Variants in CTBP2 observed in about 807,000 individuals in gnomAD.
CTBP2 encodes the protein C-terminal binding protein 2.
In CTBP2, 30 loss-of-function variants were observed where a neutral mutation model predicts 80.3. That is an observed-to-expected ratio of 0.37 (90% CI 0.28 to 0.51). The LOEUF is 0.51. CTBP2 is among the 20% of genes least tolerant of loss of function. The probability of loss-of-function intolerance (pLI) is 0.93; values close to 1 mark genes in which losing one functional copy is unlikely to be tolerated. For synonymous variants in CTBP2, 594 were observed against 587.4 expected (o/e 1.01, Z -0.16); for missense variants, 1,212 against 1,375.3 (o/e 0.88, Z 1.88).
rs1223787088 is a variant in CTBP2 at position 125,027,576 on chromosome 10, G to A, written c.184C>T (p.Leu62=). The A allele has an allele frequency of 5.6e-6, 9 of 1,614,008 alleles. No homozygotes were observed. Among genetic ancestry groups the A allele is most frequent in the Non-Finnish European group, 7.6e-6 (9 of 1,180,032 alleles). ...AGGTAGGGCTCGGCGGCCACGGGCAGGGCAGCGTCCTGTGGTCGGTGGTTT... is the reference window on the plus strand; with the variant it reads ...AGGTAGGGCTCGGCGGCCACGGGCAAGGCAGCGTCCTGTGGTCGGTGGTTT... Residue 62 remains leucine, a synonymous_variant, in exon 1 of 9, where the codon CTG becomes TTG. Coordinates refer to ENST00000309035, the MANE Select transcript of CTBP2 (RefSeq NM_022802.3).
At chr10:125,070,516 C>T (rs1157066219) in intron 2 of CTBP2, among the ~76,000 whole-genome samples, 1 of 151,248 alleles carries the variant, frequency 6.6e-6, no homozygotes, top group Non-Finnish European at 1.5e-5. Flanking sequence ...ATGATGGGGC[C>T]ACTACATTCC....
At chr10:125,121,395 G>C (rs533772686) in intron 1 of CTBP2, among the ~76,000 whole-genome samples, 1 of 152,138 alleles carries the variant, frequency 6.6e-6, no homozygotes, top group Admixed American at 6.5e-5. Flanking sequence ...GAAGGAAACC[G>C]GGTTCTATTT....
chr10:125,136,195 C>G (rs1286031905), intron 1 of CTBP2, among the ~76,000 whole-genome samples: 2 of 152,220 alleles, frequency 1.3e-5, no homozygotes, highest in African/African-American at 4.8e-5. Flanking sequence ...GGGACCCAGG[C>G]AGGGGGCGGC....
chr10:125,136,176 G>A (rs1411891186), intron 1 of CTBP2, among the ~76,000 whole-genome samples: 1 of 152,234 alleles, frequency 6.6e-6, no homozygotes, highest in Non-Finnish European at 1.5e-5. Flanking sequence ...TGAGAACGAA[G>A]GGGCTGGAGG....
intron 8 of CTBP2, among the ~76,000 whole-genome samples, chr10:124,991,893 T>TA (rs1952674456): frequency 1.7e-5 from 1 of 60,440 alleles, no homozygotes; most frequent in Non-Finnish European, 3.3e-5. Context: ...CCAGCAATAA[T>TA]GGGGGGGGGG....
intron 1 of CTBP2, among the ~76,000 whole-genome samples, chr10:125,112,288 T>C (rs988602820): frequency 6.6e-6 from 1 of 151,838 alleles, no homozygotes; most frequent in East Asian, 1.9e-4. Context: ...AATTTTTGTA[T>C]TTTTAGTAGA....
intron 2 of CTBP2, among the ~76,000 whole-genome samples, chr10:125,042,864 G>A (rs766590346): frequency 1.8e-4 from 26 of 148,224 alleles, no homozygotes; most frequent in Non-Finnish European, 3.7e-4. Flanking sequence ...TCAAAAGGAA[G>A]AAGAGTGCCC....
In CTBP2 at chr10:125,122,167, CT is replaced by C. The variant is rs1466804142; in HGVS notation, c.-205-11075del. 3.9e-5 allele frequency among the ~76,000 whole-genome samples: 6 copies of C among 152,352 alleles called. No individual in the cohort carries two copies. The East Asian group carries it at 1.2e-3, about 29-fold the overall frequency. Reference sequence around the variant, plus strand: ...CTATTGATTCATGCGCATCAAGTCACTAACACTGGGAATCCTGAACTAACTT... The same window carrying C: ...CTATTGATTCATGCGCATCAAGTCACAACACTGGGAATCCTGAACTAACTT... On this transcript the variant is annotated intron_variant, in intron 1 of 10. Coordinates refer to the CTBP2 transcript ENST00000337195.
At chr10:125,069,688 A>G (rs2135436229) in intron 2 of CTBP2, among the ~76,000 whole-genome samples, 1 of 152,196 alleles carries the variant, frequency 6.6e-6, no homozygotes, top group South Asian at 2.1e-4. Flanking sequence ...CCAATATTAA[A>G]TCCCCAAGCC....
chr10:125,084,067 C>T (rs1847600332), intron 2 of CTBP2, among the ~76,000 whole-genome samples: 1 of 152,202 alleles, frequency 6.6e-6, no homozygotes, highest in Non-Finnish European at 1.5e-5. Context: ...AGGTGTGAGC[C>T]ACGGCGCCTG....
intron 1 of CTBP2, among the ~76,000 whole-genome samples, chr10:125,152,227 C>G (rs1860102775): frequency 6.6e-6 from 1 of 152,018 alleles, no homozygotes; most frequent in African/African-American, 2.4e-5. Context: ...GAGCCAGGAA[C>G]CCCGGGACCC....
At chr10:125,094,955 G>C (rs1590732230) in intron 2 of CTBP2, among the ~76,000 whole-genome samples, 1 of 152,046 alleles carries the variant, frequency 6.6e-6, no homozygotes, top group Non-Finnish European at 1.5e-5. Context: ...CGACGAGCAT[G>C]GGGGTGGGCT....
At chr10:125,143,130 C>G (rs558876671) in intron 1 of CTBP2, among the ~76,000 whole-genome samples, 7 of 152,180 alleles carry the variant, frequency 4.6e-5, no homozygotes, top group Admixed American at 2.0e-4. Context: ...GCAGCCCCCC[C>G]ACGACATCCC....
chr10:125,043,091 GGTT>G (rs1960301901), intron 2 of CTBP2, among the ~76,000 whole-genome samples: 1 of 152,220 alleles, frequency 6.6e-6, no homozygotes. Flanking sequence ...GTAGATACTT[GGTT>G]GTTTCCAGAG....
intron 1 of CTBP2, among the ~76,000 whole-genome samples, chr10:125,151,471 G>C (rs1049225714): frequency 2.0e-4 from 31 of 152,286 alleles, no homozygotes; most frequent in African/African-American, 6.5e-4. Flanking sequence ...ACCCAGATTC[G>C]AAGGTTATCC....
chr10:125,059,454 C>T (rs919460656), intron 2 of CTBP2, among the ~76,000 whole-genome samples: 3 of 152,006 alleles, frequency 2.0e-5, no homozygotes, highest in Non-Finnish European at 2.9e-5. Context: ...TGGTGGTGCA[C>T]GCCTGTAATC....
At chr10:125,149,799 C>G (rs1168662288) in intron 1 of CTBP2, among the ~76,000 whole-genome samples, 3 of 152,226 alleles carry the variant, frequency 2.0e-5, no homozygotes, top group Non-Finnish European at 4.4e-5. Context: ...ATCACCTGCT[C>G]CGGGTACTCT....
At chr10:125,040,857 A>T (rs1312216531) in intron 2 of CTBP2, among the ~76,000 whole-genome samples, 1 of 152,240 alleles carries the variant, frequency 6.6e-6, no homozygotes, top group African/African-American at 2.4e-5. Context: ...GGCGATAATT[A>T]CGTGATTCTC....
chr10:125,053,336 T>G (rs1963207707), intron 2 of CTBP2, among the ~76,000 whole-genome samples: 1 of 152,192 alleles, frequency 6.6e-6, no homozygotes, highest in Admixed American at 6.5e-5. Flanking sequence ...CCACTCTATC[T>G]TTTGAATGGC....
Sources: allele counts gnomAD v4.1 joint callset (sites outside exome capture counted in the v4.1 genomes callset), GRCh38; gene constraint gnomAD v4.1.1; transcripts MANE v1.5; gene names NCBI Gene and HGNC (gene_info 2026-07-23, HGNC 2026-07-21).